USH2A: variants seen among roughly 807,000 people sequenced by gnomAD.
The protein encoded by USH2A is usherin, also known as Usher syndrome 2A (autosomal recessive, mild).
In USH2A, 443 loss-of-function variants were observed where a neutral mutation model predicts 538.9. The observed-to-expected ratio is 0.82, with a 90% CI of 0.76 to 0.89. The LOEUF (loss-of-function observed/expected upper bound fraction) is 0.89. USH2A is among the 40% of genes least tolerant of loss of function. USH2A has a pLI of 0.00. For missense variants in USH2A, 6,633 were observed against 6,324.8 expected (o/e 1.05, Z -1.65); for synonymous variants, 2,413 against 2,273.5 (o/e 1.06, Z -1.75).
In USH2A at chr1:215,746,476, G is replaced by A. The variant is rs549879126; in HGVS notation, c.11390-3141C>T. ...CCTTCTGTGAGCTTGCCCTACTTGC[G>A]ATTGTTTTTACTAGTGCATGGTGGT... On this transcript the variant is annotated intron_variant, in intron 58 of 71. Coordinates refer to ENST00000307340, the MANE Select transcript of USH2A (RefSeq NM_206933.4). Among the ~76,000 whole-genome samples, 5 of 152,266 alleles carry A rather than the reference G, an allele frequency of 3.3e-5. No individual in the cohort carries two copies. In the South Asian group the frequency reaches 1.0e-3, roughly 32 times the overall value.
rs200067924 is a variant in USH2A at position 216,190,204 on chromosome 1, T to C, written c.4396+19A>G. ...CTTGATAGGCAACAGATTTTTCATATCCATTAAAACTTGCTTACCTGCTGC... is the reference window on the plus strand; with the variant it reads ...CTTGATAGGCAACAGATTTTTCATACCCATTAAAACTTGCTTACCTGCTGC... On this transcript the variant is annotated intron_variant, in intron 20 of 71. Coordinates refer to ENST00000307340, the MANE Select transcript of USH2A (RefSeq NM_206933.4). 1.4e-4 allele frequency: 220 copies of C among 1,611,748 alleles called. No homozygotes were observed. Among genetic ancestry groups the C allele is most frequent in the Non-Finnish European group, 1.7e-4 (203 of 1,178,596 alleles).
intron 64 of USH2A, among the ~76,000 whole-genome samples, chr1:215,667,004 T>C (rs1190669676): frequency 6.6e-6 from 1 of 152,040 alleles, no homozygotes; most frequent in East Asian, 1.9e-4. Context: ...GGCAGGAGAA[T>C]TGACTGAACC....
chr1:215,655,115 C>A (rs1185627933), intron 64 of USH2A, among the ~76,000 whole-genome samples: 1 of 152,174 alleles, frequency 6.6e-6, no homozygotes, highest in Non-Finnish European at 1.5e-5. Flanking sequence ...GGTGAGAAGA[C>A]CTTGGACTCT....
chr1:216,163,943 C>T (rs899591509), intron 21 of USH2A, among the ~76,000 whole-genome samples: 1 of 151,998 alleles, frequency 6.6e-6, no homozygotes, highest in African/African-American at 2.4e-5. Flanking sequence ...ATGTCTTTAA[C>T]CATATTTTTG....
At chr1:216,373,008 C>T (rs1464198725) in intron 3 of USH2A, among the ~76,000 whole-genome samples, 1 of 152,128 alleles carries the variant, frequency 6.6e-6, no homozygotes, top group Non-Finnish European at 1.5e-5. Flanking sequence ...AATGTCCTCT[C>T]CTTAAAAGTG....
intron 26 of USH2A, 34 bp from the exon 27 acceptor site, chr1:216,078,396 TAAAA>T: frequency 6.2e-7 from 1 of 1,605,520 alleles, no homozygotes; most frequent in Non-Finnish European, 8.5e-7. Flanking sequence ...AGTAGGTATA[TAAAA>T]AGGCTGCAGA....
At chr1:216,357,184 A>G (rs2038406091) in intron 4 of USH2A, among the ~76,000 whole-genome samples, 1 of 152,126 alleles carries the variant, frequency 6.6e-6, no homozygotes, top group Non-Finnish European at 1.5e-5. Context: ...GAGCTACATT[A>G]ACATCATTTT....
intron 13 of USH2A, among the ~76,000 whole-genome samples, chr1:216,239,026 C>A (rs1238757471): frequency 1.3e-5 from 2 of 151,430 alleles, no homozygotes; most frequent in African/African-American, 4.9e-5. Flanking sequence ...CTGCAAACAT[C>A]TGTTTATGAT....
At chr1:215,763,828 G>A (rs1661052037) in intron 56 of USH2A, among the ~76,000 whole-genome samples, 3 of 151,996 alleles carry the variant, frequency 2.0e-5, no homozygotes, top group South Asian at 4.2e-4. Flanking sequence ...CTGAACTAAG[G>A]CAGTGTTAAA....
At position 215,983,217 on chromosome 1, in the gene USH2A, C is replaced by G. The variant is rs544909200; in HGVS notation, c.6805+9803G>C. Among the ~76,000 whole-genome samples, 63 of 152,280 alleles carry G rather than the reference C, an allele frequency of 4.1e-4. 1 individual carries two copies. The highest frequency in any genetic ancestry group is 3.7e-3 in the Admixed American group (57 of 15,292). ...CCCCAGGTGATACACACGCCTCAGC[C>G]TCCCAAAGTGCTGGAATTACAGGCT... On this transcript the variant is annotated intron_variant, in intron 35 of 71. Transcript: ENST00000307340.
chr1:216,058,517 T>A (rs113019550), intron 30 of USH2A, among the ~76,000 whole-genome samples: 1 of 149,050 alleles, frequency 6.7e-6, no homozygotes, highest in African/African-American at 2.5e-5. Flanking sequence ...TTGGCTTCCA[T>A]TATTTTTCAT....
At chr1:216,072,085 G>A (rs1165403327) in intron 29 of USH2A, among the ~76,000 whole-genome samples, 8 of 152,142 alleles carry the variant, frequency 5.3e-5, no homozygotes, top group Admixed American at 2.6e-4. Flanking sequence ...ATGGAAACAC[G>A]TCTTTAGACA....
intron 46 of USH2A, among the ~76,000 whole-genome samples, chr1:215,839,827 T>G (rs1663626529): frequency 6.6e-6 from 1 of 152,114 alleles, no homozygotes; most frequent in Non-Finnish European, 1.5e-5. Context: ...AAATTATTAT[T>G]TCTTTGTAAA....
intron 62 of USH2A, among the ~76,000 whole-genome samples, chr1:215,676,193 A>G (rs1003641955): frequency 2.0e-5 from 3 of 152,162 alleles, no homozygotes; most frequent in Non-Finnish European, 4.4e-5. Flanking sequence ...GTACATATAT[A>G]CATGTATATA....
chr1:215,841,191 C>T (rs991428106), intron 46 of USH2A, among the ~76,000 whole-genome samples: 1 of 152,114 alleles, frequency 6.6e-6, no homozygotes, highest in Non-Finnish European at 1.5e-5. Context: ...TTAGAAAAAA[C>T]TACTTTAAAG....
chr1:216,334,500 G>T (rs925668064), intron 4 of USH2A, among the ~76,000 whole-genome samples: 16 of 151,866 alleles, frequency 1.1e-4, no homozygotes, highest in Admixed American at 2.6e-4. Context: ...AATGTAAATG[G>T]CTTAAGCACT....
intron 37 of USH2A, among the ~76,000 whole-genome samples, chr1:215,952,389 A>C (rs577300313): frequency 2.6e-5 from 4 of 152,260 alleles, no homozygotes; most frequent in African/African-American, 9.6e-5. Context: ...ATTTAAGCTT[A>C]ATATTGCTAT....
chr1:215,859,886 T>C (rs903626923), intron 44 of USH2A, among the ~76,000 whole-genome samples: 4 of 152,184 alleles, frequency 2.6e-5, no homozygotes, highest in African/African-American at 9.6e-5. Flanking sequence ...CCAAACCTCA[T>C]GTGACCTCCA....
intron 52 of USH2A, among the ~76,000 whole-genome samples, chr1:215,784,646 G>A (rs186437596): frequency 4.7e-4 from 71 of 152,292 alleles, no homozygotes; most frequent in African/African-American, 1.6e-3. Context: ...GCTTTCAAGT[G>A]TAAGTTTCTA....
Sources: gnomAD v4.1 joint callset for allele counts (sites outside exome capture counted in the v4.1 genomes callset) on GRCh38, gnomAD v4.1.1 for gene constraint, MANE v1.5 for transcripts, NCBI Gene and HGNC (gene_info 2026-07-23, HGNC 2026-07-21) for gene names.